PPP2R5C: variants seen among roughly 807,000 people sequenced by gnomAD.
PPP2R5C encodes serine/threonine-protein phosphatase 2A 56 kDa regulatory subunit gamma isoform.
In PPP2R5C, 7 loss-of-function variants were observed where a neutral mutation model predicts 68.9. That is an observed-to-expected ratio of 0.10 (90% CI 0.06 to 0.19). PPP2R5C has a LOEUF of 0.19. PPP2R5C is among the 10% of genes least tolerant of loss of function. PPP2R5C has a pLI of 1.00. For missense variants in PPP2R5C, 348 were observed against 641.3 expected (o/e 0.54, Z 4.94); for synonymous variants, 210 against 222.2 (o/e 0.95, Z 0.49).
intron 2 of PPP2R5C, among the ~76,000 whole-genome samples, chr14:101,783,671 C>G (rs1170574990): frequency 6.6e-6 from 1 of 152,214 alleles, no homozygotes; most frequent in Non-Finnish European, 1.5e-5. Context: ...TGCTTCCCAG[C>G]CCCCTAGGCT....
chr14:101,893,752 AAAAT>A (rs757531296), intron 7 of PPP2R5C, among the ~76,000 whole-genome samples: 5 of 152,254 alleles, frequency 3.3e-5, no homozygotes, highest in Non-Finnish European at 2.9e-5. Flanking sequence ...CTCCATCTCA[AAAAT>A]AAATAAATAA....
intron 1 of PPP2R5C, chr14:101,831,674 A>G (rs140175526): frequency 1.6e-5 from 11 of 687,416 alleles, no homozygotes; most frequent in Admixed American, 1.2e-4. Flanking sequence ...GTCCACTTAT[A>G]TGTGGATTTT....
chr14:101,914,791 T>C (rs979372337), intron 12 of PPP2R5C, among the ~76,000 whole-genome samples: 5 of 152,214 alleles, frequency 3.3e-5, no homozygotes, highest in East Asian at 1.9e-4. Context: ...TCATGAAACA[T>C]TGGCAGTTTC....
At position 101,889,469 on chromosome 14, in the gene PPP2R5C, A is replaced by G. The variant is rs961137277; in HGVS notation, c.630-768A>G. ...TTTATTCAGCAGACGTGTTTTCAGC[A>G]TCAAACAGATGCCAGGCTTGCTCCT... is the stretch of plus-strand genomic sequence containing the variant. On this transcript the variant is annotated intron_variant, in intron 5 of 13. Transcript: ENST00000334743. Among the ~76,000 whole-genome samples, 3 of 152,190 alleles carry G rather than the reference A, an allele frequency of 2.0e-5. No homozygotes were observed. The East Asian group carries it at 5.8e-4, about 29-fold the overall frequency.
At chr14:101,806,702 G>GC (rs1438037754), upstream of PPP2R5C, among the ~76,000 whole-genome samples, 1 of 152,212 alleles carries the variant, frequency 6.6e-6, no homozygotes, top group Non-Finnish European at 1.5e-5. Context: ...GCTCATGCCT[G>GC]CAATCTCAGC....
Position 101,797,624 on chromosome 14 carries a change from C to T in PPP2R5C, c.259+11441C>T, listed in dbSNP as rs2038676366. ...CTTGGAAAATGAGGCTCCTGACTCA[C>T]TTGACCTACTGCGTAGGCTCCTAAA... On this transcript the variant is annotated intron_variant, in intron 3 of 14. Transcript: ENST00000328724. This position sits in a 1 kb window ranked among gnomAD's most constrained non-coding sequence, Gnocchi z 4.2. 4.3e-6 allele frequency: 1 copy of T among 234,212 alleles called. No individual in the cohort carries two copies. The highest frequency in any genetic ancestry group is 2.3e-5 in the African/African-American group (1 of 44,422). 14.5% of individuals were successfully genotyped at this position (234,212 alleles called of 1,614,324 possible).
intron 2 of PPP2R5C, among the ~76,000 whole-genome samples, chr14:101,880,761 CT>C (rs548399291): frequency 6.6e-5 from 10 of 152,084 alleles, no homozygotes; most frequent in Non-Finnish European, 1.3e-4. Context: ...GGCCACTGTA[CT>C]CCAGCCTGGG....
intron 1 of PPP2R5C, among the ~76,000 whole-genome samples, chr14:101,827,026 A>G (rs369707995): frequency 8.5e-6 from 1 of 117,130 alleles, no homozygotes; most frequent in African/African-American, 3.4e-5. Flanking sequence ...CCCAGGCTGG[A>G]GTGCAGTGGG....
rs8008146 is a variant in PPP2R5C at position 101,871,623 on chromosome 14, G to A, written c.295-10538G>A. ...ATTTATTTTTCATGTGATTATGAAT[G>A]TACTTGGGTTTAAATGTACCACCTT... On this transcript the variant is annotated intron_variant, in intron 2 of 13. Transcript: ENST00000334743. 5.6e-3 allele frequency among the ~76,000 whole-genome samples: 857 copies of A among 152,214 alleles called. 4 individuals are homozygous for A. The highest frequency in any genetic ancestry group is 0.02 in the African/African-American group (832 of 41,522).
At chr14:101,820,727 G>C (rs2040002636) in intron 1 of PPP2R5C, 1 of 152,148 alleles carries the variant, frequency 6.6e-6, no homozygotes, top group African/African-American at 2.4e-5. Context: ...AGATCCGCCT[G>C]TCTTCTGTTG....
chr14:101,894,251 C>T (rs957901485), intron 7 of PPP2R5C, among the ~76,000 whole-genome samples: 11 of 152,336 alleles, frequency 7.2e-5, no homozygotes, highest in African/African-American at 2.6e-4. Flanking sequence ...AAAATCCCAT[C>T]ATACTGGATT....
At chr14:101,789,551 G>A (rs922358764) in intron 3 of PPP2R5C, 8 of 152,196 alleles carry the variant, frequency 5.3e-5, no homozygotes, top group African/African-American at 1.9e-4. Context: ...CATTTTGTCA[G>A]TTTTGTCACA....
chr14:101,855,397 T>A (rs2042361075), intron 1 of PPP2R5C, among the ~76,000 whole-genome samples: 1 of 152,188 alleles, frequency 6.6e-6, no homozygotes, highest in Non-Finnish European at 1.5e-5. Context: ...AGTAGCCTTT[T>A]CAGATAGTCG....
chr14:101,858,347 A>G (rs1566912956), intron 2 of PPP2R5C, among the ~76,000 whole-genome samples: 2 of 152,064 alleles, frequency 1.3e-5, no homozygotes, highest in South Asian at 4.1e-4. Context: ...TTAGGTATGG[A>G]TATGTAATAG....
chr14:101,882,335 A>T lies in PPP2R5C; in HGVS notation c.405+64A>T, dbSNP rs761757667. 3.8e-6 allele frequency: 5 copies of T among 1,332,510 alleles called. No individual in the cohort carries two copies. Among genetic ancestry groups the T allele is most frequent in the Non-Finnish European group, 5.2e-6 (5 of 955,528 alleles). 82.5% of individuals were successfully genotyped at this position (1,332,510 alleles called of 1,614,324 possible). ...GACACATGGGAATGGCCTGGGATCC[A>T]CAGAGCGGGCGCACTGGTCTGGCCA... On this transcript the variant is annotated intron_variant, in intron 3 of 13. Transcript: ENST00000334743. This position sits in a 1 kb window ranked among gnomAD's most constrained non-coding sequence, Gnocchi z 4.9.
At chr14:101,870,844 A>G (rs2043362637) in intron 2 of PPP2R5C, among the ~76,000 whole-genome samples, 2 of 151,770 alleles carry the variant, frequency 1.3e-5, no homozygotes, top group Non-Finnish European at 2.9e-5. Flanking sequence ...ATCTTCTTAG[A>G]CTCGTAAATT....
chr14:101,769,228 TAGCA>T (rs1408607917), intron 2 of PPP2R5C, among the ~76,000 whole-genome samples: 8 of 151,840 alleles, frequency 5.3e-5, no homozygotes, highest in Non-Finnish European at 7.4e-5. Flanking sequence ...TAAATGCTTA[TAGCA>T]ATTACTTACT....
chr14:101,763,441 G>T (rs1461223895), intron 2 of PPP2R5C, among the ~76,000 whole-genome samples: 2 of 151,662 alleles, frequency 1.3e-5, no homozygotes, highest in East Asian at 3.9e-4. Flanking sequence ...GGAGTGCAGT[G>T]GCGCGATCTT....
intron 3 of PPP2R5C, among the ~76,000 whole-genome samples, chr14:101,795,809 A>G (rs1042144405): frequency 6.6e-6 from 1 of 151,934 alleles, no homozygotes; most frequent in African/African-American, 2.4e-5. Context: ...ACAATACTTC[A>G]CCCTCATTCA....
Sources: allele counts gnomAD v4.1 joint callset (sites outside exome capture counted in the v4.1 genomes callset), GRCh38; gene constraint gnomAD v4.1.1; non-coding constraint Gnocchi (gnomAD v3.1); transcripts MANE v1.5; gene names NCBI Gene and HGNC (gene_info 2026-07-23, HGNC 2026-07-21).